The following BTG4 variants were observed in gnomAD, a reference collection of about 807,000 sequenced individuals.
The protein encoded by BTG4 is protein BTG4.
Under a neutral mutation model 19.3 loss-of-function variants are expected in BTG4, and 10 were observed. That is an observed-to-expected ratio of 0.52 (90% CI 0.32 to 0.88). BTG4 has a LOEUF of 0.88. BTG4 is among the 40% of genes least tolerant of loss of function. The pLI is 0.04. For missense variants in BTG4, 238 were observed against 281.9 expected, an observed-to-expected ratio of 0.84 and a Z score of 1.11; for synonymous variants, 91 against 95.7, an observed-to-expected ratio of 0.95 and a Z score of 0.29.
At chr11:111,389,732 A>C in the BTG4 span, among the ~76,000 whole-genome samples, 2 of 152,258 alleles carry the variant, frequency 1.3e-5, no homozygotes, top group Non-Finnish European at 2.9e-5. Context: ...AAGGTATAAT[A>C]AATGTAACAG....
At chr11:111,391,971 G>A in the BTG4 span, among the ~76,000 whole-genome samples, 8 of 152,016 alleles carry the variant, frequency 5.3e-5, no homozygotes, top group South Asian at 6.2e-4. Flanking sequence ...CTGCATTCTC[G>A]GAATCAGTCA....
At chr11:111,437,682 C>T in the BTG4 span, among the ~76,000 whole-genome samples, 2 of 152,092 alleles carry the variant, frequency 1.3e-5, no homozygotes, top group Admixed American at 6.5e-5. Context: ...ACCTGTATCC[C>T]CATTGCATCC....
chr11:111,459,148 G>T, the BTG4 span, among the ~76,000 whole-genome samples: 1 of 152,048 alleles, frequency 6.6e-6, no homozygotes, highest in Non-Finnish European at 1.5e-5. Flanking sequence ...AGGCTGAGGC[G>T]GGAGAATCGC....
the BTG4 span, among the ~76,000 whole-genome samples, chr11:111,429,697 G>A: frequency 3.9e-5 from 6 of 152,142 alleles, no homozygotes; most frequent in Admixed American, 3.3e-4. Flanking sequence ...TAAGAGAAAC[G>A]GGGCCACACA....
the BTG4 span, among the ~76,000 whole-genome samples, chr11:111,401,404 C>G: frequency 3.3e-5 from 5 of 151,860 alleles, no homozygotes; most frequent in Non-Finnish European, 7.4e-5. Flanking sequence ...ATGGCGTGAA[C>G]CCAGGAGACA....
rs770043623 is a variant in BTG4 at position 111,497,153 on chromosome 11, C to CA, written c.510+57dup. 4.2e-6 allele frequency: 6 copies of CA among 1,433,950 alleles called. No homozygotes were observed. The East Asian group carries it at 1.4e-4, about 34-fold the overall frequency. 88.8% of individuals were successfully genotyped at this position (1,433,950 alleles called of 1,614,324 possible). The stretch of plus-strand genomic sequence containing the variant: ...TGCTTCTTTGTTTTCATAATGAGTG[C>CA]ATTCTTTTTAGAATTAGATAGAAAA... On this transcript the variant is annotated intron_variant, in intron 4 of 4. Coordinates refer to ENST00000692032, the MANE Select transcript of BTG4 (RefSeq NM_001367975.1).
At chr11:111,416,451 G>A in the BTG4 span, 1 of 152,046 alleles carries the variant, frequency 6.6e-6, no homozygotes, top group Non-Finnish European at 1.5e-5. Context: ...CAGACCTCAG[G>A]GGACTTTGGC....
chr11:111,480,102 C>A (rs1395999167), intron 5 of BTG4, among the ~76,000 whole-genome samples: 2 of 151,872 alleles, frequency 1.3e-5, no homozygotes, highest in East Asian at 3.9e-4. Context: ...AAGAAACTCA[C>A]CTCGAATATA....
the BTG4 span, among the ~76,000 whole-genome samples, chr11:111,424,398 C>T: frequency 1.3e-5 from 2 of 152,214 alleles, no homozygotes; most frequent in African/African-American, 2.4e-5. Context: ...GATGAGTTAA[C>T]GCGAAAATGC....
At chr11:111,498,181 T>G (rs1366224829) in intron 2 of BTG4, 46 bp from the exon 3 acceptor site, 1 of 1,603,952 alleles carries the variant, frequency 6.2e-7, no homozygotes, top group East Asian at 2.2e-5. Context: ...ACAGACACTT[T>G]AGCAGGAGAA....
upstream of BTG4, chr11:111,512,902 T>G (rs1446148980): frequency 4.6e-6 from 2 of 433,684 alleles, no homozygotes; most frequent in South Asian, 3.4e-5. Context: ...GCGTCGGCGC[T>G]GCGGACCGTC....
chr11:111,509,190 T>C (rs1866672858), intron 1 of BTG4, among the ~76,000 whole-genome samples: 1 of 152,192 alleles, frequency 6.6e-6, no homozygotes, highest in African/African-American at 2.4e-5. Context: ...TGGCAGTTCA[T>C]TTTAGCTCAA....
chr11:111,415,232 C>T, the BTG4 span, among the ~76,000 whole-genome samples: 2 of 140,160 alleles, frequency 1.4e-5, no homozygotes, highest in Non-Finnish European at 3.2e-5. Context: ...GTGACCCCCG[C>T]CTCCCCTGCA....
chr11:111,429,807 A>G, the BTG4 span, among the ~76,000 whole-genome samples: 1 of 152,236 alleles, frequency 6.6e-6, no homozygotes, highest in Non-Finnish European at 1.5e-5. Flanking sequence ...CCCCACTTCA[A>G]TTCTTCTGCT....
the BTG4 span, chr11:111,404,840 C>T: frequency 2.8e-6 from 1 of 351,078 alleles, no homozygotes; most frequent in East Asian, 7.4e-5. Flanking sequence ...CTCTCATGGT[C>T]TAATTGTCAA....
At chr11:111,506,971 A>G (rs1866494859) in intron 1 of BTG4, among the ~76,000 whole-genome samples, 1 of 152,112 alleles carries the variant, frequency 6.6e-6, no homozygotes, top group Non-Finnish European at 1.5e-5. Context: ...ACTAAATGTA[A>G]GCATGATGAA....
At chr11:111,474,403 G>A (rs987699320) in intron 5 of BTG4, among the ~76,000 whole-genome samples, 9 of 152,016 alleles carry the variant, frequency 5.9e-5, no homozygotes, top group Non-Finnish European at 7.4e-5. Flanking sequence ...AATAGTTTTC[G>A]CTTATTCATG....
intron 5 of BTG4, among the ~76,000 whole-genome samples, chr11:111,485,609 G>A (rs1163679449): frequency 6.6e-6 from 1 of 152,134 alleles, no homozygotes; most frequent in East Asian, 1.9e-4. Context: ...TACTAGGAGT[G>A]CTAGTTTATA....
chr11:111,498,634 G>A lies in BTG4; in HGVS notation c.143C>T (p.Ser48Phe). 1 of 1,613,636 alleles carries A rather than the reference G, an allele frequency of 6.2e-7. No individual in the cohort carries two copies. ...GGCTTGCCCTTTAGAAGGGCAATCA[G>A]AGTGCCAGTGACTTCTGTATGTTTC... ...LFETYRSHWHSDCPSKGQAFR... is the reference protein window; with the variant it reads ...LFETYRSHWHFDCPSKGQAFR... Residue 48 changes from serine (S) to phenylalanine (F), a missense_variant, in exon 2 of 5, where the codon TCT (serine) becomes TTT (phenylalanine). Transcript: ENST00000692032.
Sources: allele counts gnomAD v4.1 joint callset (sites outside exome capture counted in the v4.1 genomes callset), GRCh38; gene constraint gnomAD v4.1.1; transcripts MANE v1.5; gene names NCBI Gene and HGNC (gene_info 2026-07-23, HGNC 2026-07-21).